The following LRRTM3 variants were observed in gnomAD, a reference collection of about 807,000 sequenced individuals.
The protein encoded by LRRTM3 is leucine-rich repeat transmembrane neuronal protein 3.
A neutral mutation model predicts 44.7 loss-of-function variants in LRRTM3; 24 were observed. The ratio of observed to expected loss-of-function variants is 0.54; its 90% confidence interval spans 0.39 to 0.76. The LOEUF (loss-of-function observed/expected upper bound fraction) is 0.76. Ranked by LOEUF, LRRTM3 falls within the 30% of genes least tolerant of loss-of-function variation. The probability of loss-of-function intolerance (pLI) is 0.00; values close to 1 mark genes in which losing one functional copy is unlikely to be tolerated. For synonymous variants in LRRTM3, 277 were observed against 278.7 expected, an observed-to-expected ratio of 0.99 and a Z score of 0.06; for missense variants, 587 against 702.2, an observed-to-expected ratio of 0.84 and a Z score of 1.85.
chr10:67,049,596 C>T (rs999034478), intron 2 of LRRTM3, among the ~76,000 whole-genome samples: 36 of 151,782 alleles, frequency 2.4e-4, no homozygotes, highest in African/African-American at 8.4e-4. Context: ...TTAACTTGAA[C>T]AAAAAAGGGA....
intron 2 of LRRTM3, among the ~76,000 whole-genome samples, chr10:67,032,494 T>C (rs1853791303): frequency 6.6e-6 from 1 of 152,210 alleles, no homozygotes; most frequent in Non-Finnish European, 1.5e-5. Context: ...GTGGAGGTCC[T>C]GCTATAGTTA....
intron 2 of LRRTM3, among the ~76,000 whole-genome samples, chr10:66,940,455 C>A (rs1399564079): frequency 2.6e-5 from 4 of 152,134 alleles, no homozygotes; most frequent in African/African-American, 9.7e-5. Context: ...GCCTGAGCAA[C>A]AGAGCAAGAT....
intron 2 of LRRTM3, among the ~76,000 whole-genome samples, chr10:67,086,223 T>C (rs1271760369): frequency 1.3e-5 from 2 of 151,988 alleles, no homozygotes; most frequent in Non-Finnish European, 1.5e-5. Flanking sequence ...CAATACCTCA[T>C]CCCTATAAAA....
At chr10:66,946,720 A>G (rs937935412) in intron 2 of LRRTM3, among the ~76,000 whole-genome samples, 3 of 152,100 alleles carry the variant, frequency 2.0e-5, no homozygotes, top group African/African-American at 7.2e-5. Flanking sequence ...GTAGTTGTAG[A>G]ACTACATATT....
At chr10:66,961,258 A>T (rs1849095456) in intron 2 of LRRTM3, among the ~76,000 whole-genome samples, 1 of 151,956 alleles carries the variant, frequency 6.6e-6, no homozygotes, top group Non-Finnish European at 1.5e-5. Flanking sequence ...AGTTCATCTC[A>T]TTCTCTCTCT....
chr10:66,951,115 ACACT>A (rs71006104), intron 2 of LRRTM3, among the ~76,000 whole-genome samples: 6,572 of 136,060 alleles, frequency 0.048, 177 homozygotes, highest in Middle Eastern at 0.1. Flanking sequence ...ACACACACAC[ACACT>A]GTCTTTTTTT....
chr10:67,036,553 G>A (rs1854073748), intron 2 of LRRTM3, among the ~76,000 whole-genome samples: 1 of 151,776 alleles, frequency 6.6e-6, no homozygotes, highest in African/African-American at 2.4e-5. Flanking sequence ...AAAAATTTTT[G>A]GTAGAGACAA....
intron 2 of LRRTM3, among the ~76,000 whole-genome samples, chr10:66,940,524 A>G (rs959017747): frequency 2.0e-5 from 3 of 152,166 alleles, no homozygotes; most frequent in African/African-American, 7.2e-5. Context: ...TGACTGAATA[A>G]AAGAAGTCCA....
In LRRTM3 at chr10:67,021,695, A is replaced by G. The variant is rs186392731; in HGVS notation, c.1537-75892A>G. Among the ~76,000 whole-genome samples the G allele has an allele frequency of 1.2e-4, 18 of 152,316 alleles. 1 individual carries two copies. Among genetic ancestry groups the G allele is most frequent in the Non-Finnish European group, 1.5e-4 (10 of 68,008 alleles). On this transcript the variant is annotated intron_variant, in intron 2 of 2. Coordinates refer to ENST00000361320, the MANE Select transcript of LRRTM3 (RefSeq NM_178011.5). ...GAAAAAAATGGCAAAAGTACATATA[A>G]AATTAAAAGTTGAGATACTAAAAAA...
intron 2 of LRRTM3, among the ~76,000 whole-genome samples, chr10:67,095,927 T>C (rs902115537): frequency 6.6e-6 from 1 of 151,920 alleles, no homozygotes; most frequent in Non-Finnish European, 1.5e-5. Context: ...GATTCTTATT[T>C]ATTTTAAATG....
At chr10:67,032,807 C>G (rs192585577) in intron 2 of LRRTM3, among the ~76,000 whole-genome samples, 1 of 152,206 alleles carries the variant, frequency 6.6e-6, no homozygotes, top group East Asian at 1.9e-4. Context: ...AATTAGCTCC[C>G]CTATCAGACC....
intron 2 of LRRTM3, among the ~76,000 whole-genome samples, chr10:67,095,596 T>C (rs541529035): frequency 6.6e-6 from 1 of 151,848 alleles, no homozygotes; most frequent in East Asian, 1.9e-4. Flanking sequence ...TGTATCATGG[T>C]TTATTATTTT....
At chr10:66,989,356 G>C (rs1850913627) in intron 2 of LRRTM3, among the ~76,000 whole-genome samples, 1 of 152,158 alleles carries the variant, frequency 6.6e-6, no homozygotes, top group Non-Finnish European at 1.5e-5. Flanking sequence ...CATTGTGGCA[G>C]AGGAAAATTT....
chr10:67,051,514 C>A (rs1297428709), intron 2 of LRRTM3, among the ~76,000 whole-genome samples: 3 of 148,682 alleles, frequency 2.0e-5, no homozygotes, highest in Non-Finnish European at 4.4e-5. Context: ...GGCTGGAGTG[C>A]AGTGGTGCAA....
At chr10:67,080,675 T>C (rs1454929599) in intron 2 of LRRTM3, among the ~76,000 whole-genome samples, 5 of 152,052 alleles carry the variant, frequency 3.3e-5, no homozygotes, top group East Asian at 3.9e-4. Context: ...TTTGGGAGGC[T>C]GAGGCGGGCG....
chr10:66,989,423 A>G (rs1850919085), intron 2 of LRRTM3, among the ~76,000 whole-genome samples: 1 of 152,198 alleles, frequency 6.6e-6, no homozygotes, highest in South Asian at 2.1e-4. Flanking sequence ...GGTATAACAG[A>G]ATTAGACTAC....
At chr10:67,005,682 C>CT (rs11369576) in intron 2 of LRRTM3, among the ~76,000 whole-genome samples, 7,564 of 61,742 alleles carry the variant, frequency 0.12, 1,409 homozygotes, top group East Asian at 0.22. Flanking sequence ...TTTACTCCAT[C>CT]TTTTTTTTTT....
At chr10:66,964,147 G>T (rs1328474358) in intron 2 of LRRTM3, among the ~76,000 whole-genome samples, 3 of 152,050 alleles carry the variant, frequency 2.0e-5, no homozygotes, top group South Asian at 4.1e-4. Flanking sequence ...ACCGCACCCA[G>T]CCAGACATCA....
chr10:67,068,102 C>G (rs1340949956), intron 2 of LRRTM3, among the ~76,000 whole-genome samples: 1 of 152,034 alleles, frequency 6.6e-6, no homozygotes, highest in African/African-American at 2.4e-5. Flanking sequence ...AATTAGAAGA[C>G]AAATCTTTTT....
Sources: allele counts gnomAD v4.1 joint callset (sites outside exome capture counted in the v4.1 genomes callset), GRCh38; gene constraint gnomAD v4.1.1; transcripts MANE v1.5; gene names NCBI Gene and HGNC (gene_info 2026-07-23, HGNC 2026-07-21).